Variants in ATP8A1 observed in about 807,000 individuals in gnomAD.
ATP8A1 encodes ATPase phospholipid transporting 8A1, also known as phospholipid-transporting ATPase IA.
Under a neutral mutation model 177.7 loss-of-function variants are expected in ATP8A1, and 90 were observed. That is an observed-to-expected ratio of 0.51 (90% CI 0.43 to 0.60). The LOEUF (loss-of-function observed/expected upper bound fraction) is 0.60. ATP8A1 is among the 20% of genes least tolerant of loss of function. The pLI is 0.00. For missense variants in ATP8A1, 1,072 were observed against 1,392.8 expected (o/e 0.77, Z 3.67); for synonymous variants, 493 against 485.9 (o/e 1.01, Z -0.19).
intron 23 of ATP8A1, among the ~76,000 whole-genome samples, chr4:42,503,716 C>A (rs1240552421): frequency 6.6e-6 from 1 of 152,142 alleles, no homozygotes; most frequent in Non-Finnish European, 1.5e-5. Flanking sequence ...GTACATCTGG[C>A]CTGTTAAGGC....
At chr4:42,593,793 GAACTT>G (rs929848986) in intron 6 of ATP8A1, among the ~76,000 whole-genome samples, 118 of 151,974 alleles carry the variant, frequency 7.8e-4, no homozygotes, top group Non-Finnish European at 2.1e-4. Flanking sequence ...GTAACTGAAA[GAACTT>G]AAAAGAAAGA....
intron 35 of ATP8A1, among the ~76,000 whole-genome samples, chr4:42,418,722 C>T (rs186833652): frequency 2.8e-4 from 43 of 152,108 alleles, no homozygotes; most frequent in Admixed American, 1.1e-3. Flanking sequence ...CAAAAGCATG[C>T]GTATTTAGAA....
chr4:42,433,961 T>C lies in ATP8A1; in HGVS notation c.3123+9604A>G, dbSNP rs547621652. On this transcript the variant is annotated intron_variant, in intron 33 of 36. Coordinates refer to ENST00000381668, the MANE Select transcript of ATP8A1 (RefSeq NM_006095.2). The stretch of plus-strand genomic sequence containing the variant: ...ATTTTTATAAAAAATTTTTTGACTA[T>C]ATATCAATGCATACTGAGAACTAAA... Among the ~76,000 whole-genome samples, 4 of 152,066 alleles carry C rather than the reference T, an allele frequency of 2.6e-5. No homozygotes were observed. In the South Asian group the frequency reaches 6.2e-4, roughly 24 times the overall value.
At chr4:42,446,111 T>C (rs1270497069) in intron 31 of ATP8A1, among the ~76,000 whole-genome samples, 4 of 110,708 alleles carry the variant, frequency 3.6e-5, no homozygotes, top group Non-Finnish European at 8.1e-5. Context: ...AGAAGAGATA[T>C]AGTTTGAAAT....
chr4:42,545,159 CAAAA>C (rs150594728), intron 19 of ATP8A1, among the ~76,000 whole-genome samples: 4 of 83,680 alleles, frequency 4.8e-5, no homozygotes, highest in Admixed American at 1.2e-4. Flanking sequence ...GACTCCGTCT[CAAAA>C]AAAAAAAAAA....
intron 4 of ATP8A1, among the ~76,000 whole-genome samples, chr4:42,620,225 G>A (rs940883310): frequency 3.3e-5 from 5 of 152,164 alleles, no homozygotes; most frequent in African/African-American, 9.7e-5. Flanking sequence ...CCCCATTTTA[G>A]AGAGTATTCT....
chr4:42,598,977 T>C (rs1734984606), intron 6 of ATP8A1, among the ~76,000 whole-genome samples: 1 of 152,186 alleles, frequency 6.6e-6, no homozygotes, highest in Non-Finnish European at 1.5e-5. Flanking sequence ...AGGTGTGCCA[T>C]TGACCTGTGA....
chr4:42,530,913 C>T (rs112457496), intron 20 of ATP8A1, among the ~76,000 whole-genome samples: 8 of 152,268 alleles, frequency 5.3e-5, no homozygotes, highest in Middle Eastern at 3.4e-3. Flanking sequence ...CCTGTTCCTG[C>T]GACATTATGT....
chr4:42,433,488 G>A (rs1248978929), intron 33 of ATP8A1, among the ~76,000 whole-genome samples: 1 of 152,080 alleles, frequency 6.6e-6, no homozygotes, highest in East Asian at 1.9e-4. Flanking sequence ...TACATGGGAT[G>A]GTTACTTTCT....
At chr4:42,581,377 C>T (rs896448269) in intron 10 of ATP8A1, among the ~76,000 whole-genome samples, 2 of 152,186 alleles carry the variant, frequency 1.3e-5, no homozygotes, top group African/African-American at 2.4e-5. Context: ...TTGTGATCCG[C>T]CCGCCTTGGC....
At chr4:42,418,524 C>T (rs996050657) in intron 35 of ATP8A1, among the ~76,000 whole-genome samples, 3 of 152,002 alleles carry the variant, frequency 2.0e-5, no homozygotes, top group Non-Finnish European at 2.9e-5. Context: ...TTTTAAAGTA[C>T]AATTTCCGTT....
At position 42,616,038 on chromosome 4, in the gene ATP8A1, G is replaced by T; in HGVS notation, c.404C>A (p.Thr135Lys). The T allele has an allele frequency of 1.2e-6, 2 of 1,611,378 alleles. No homozygotes were observed. The highest frequency in any genetic ancestry group is 1.7e-6 in the Non-Finnish European group (2 of 1,178,840). ...AAAGCATGTAAAATTCCTACCTTGCGTTTGTTTCTTGTTCACTGCATTATC... is the reference window on the plus strand; with the variant it reads ...AAAGCATGTAAAATTCCTACCTTGCTTTTGTTTCTTGTTCACTGCATTATC... ...KADNAVNKKQ[T>K]QVLRNGAWEI... The change falls in exon 5 of 37, where the codon ACG becomes AAG. Residue 135 changes from threonine (T) to lysine (K), a missense_variant. Physicochemically the swap from Thr to Lys is moderately conservative, Grantham distance 78. This residue lies in a region of ATP8A1 where 344 missense variants were observed against 393.5 expected (regional missense o/e 0.87). Coordinates refer to ENST00000381668, the MANE Select transcript of ATP8A1 (RefSeq NM_006095.2).
intron 25 of ATP8A1, among the ~76,000 whole-genome samples, chr4:42,470,525 C>A (rs1238147494): frequency 1.1e-4 from 16 of 151,724 alleles, no homozygotes; most frequent in Admixed American, 1.1e-3. Flanking sequence ...TATAGGTAGC[C>A]AAAAGGAATA....
rs540967036 is a variant in ATP8A1, at chr4:42,623,880, A to C, written c.363+656T>G. Among the ~76,000 whole-genome samples, 485 of 152,214 alleles carry C rather than the reference A, an allele frequency of 3.2e-3. 1 individual carries two copies. The highest frequency in any genetic ancestry group is 5.0e-3 in the Non-Finnish European group (339 of 68,006). On this transcript the variant is annotated intron_variant, in intron 4 of 36. Coordinates refer to ENST00000381668, the MANE Select transcript of ATP8A1 (RefSeq NM_006095.2). ...AAAGTCTCTCCTTCTCTCTCTCTATATATATATGAAGTAGTTTAAAAGAAC... is the reference window on the plus strand; with the variant it reads ...AAAGTCTCTCCTTCTCTCTCTCTATCTATATATGAAGTAGTTTAAAAGAAC...
chr4:42,456,968 ATGAT>A (rs1718556164), intron 27 of ATP8A1, among the ~76,000 whole-genome samples: 1 of 152,218 alleles, frequency 6.6e-6, no homozygotes, highest in South Asian at 2.1e-4. Flanking sequence ...GTGGAAAGGA[ATGAT>A]TGAGCATGTA....
intron 16 of ATP8A1, among the ~76,000 whole-genome samples, chr4:42,553,277 TC>T (rs1729694452): frequency 1.3e-5 from 2 of 152,288 alleles, no homozygotes; most frequent in South Asian, 4.1e-4. Flanking sequence ...TAGTTGTAAT[TC>T]CTGATCAGAT....
At chr4:42,427,305 A>T (rs1327045870) in intron 33 of ATP8A1, among the ~76,000 whole-genome samples, 2 of 152,272 alleles carry the variant, frequency 1.3e-5, no homozygotes, top group Non-Finnish European at 2.9e-5. Flanking sequence ...TGACCAGAAA[A>T]ATAGCCCATT....
intron 33 of ATP8A1, among the ~76,000 whole-genome samples, chr4:42,433,949 A>T (rs75726363): frequency 3.9e-5 from 6 of 152,110 alleles, no homozygotes; most frequent in South Asian, 2.1e-4. Context: ...TTTATAAAAA[A>T]TTTTTTGACT....
intron 6 of ATP8A1, among the ~76,000 whole-genome samples, chr4:42,598,345 C>T (rs1248231707): frequency 2.0e-5 from 3 of 152,050 alleles, no homozygotes; most frequent in Non-Finnish European, 4.4e-5. Context: ...TTTCAGGGCA[C>T]TATATTTTAT....
Sources: gnomAD v4.1 joint callset for allele counts (sites outside exome capture counted in the v4.1 genomes callset) on GRCh38, gnomAD v4.1.1 for gene constraint, gnomAD v4.1.1 regional missense constraint, MANE v1.5 for transcripts, NCBI Gene and HGNC (gene_info 2026-07-23, HGNC 2026-07-21) for gene names.